The following MUC4 variants were observed in gnomAD, a reference collection of about 807,000 sequenced individuals.
MUC4 encodes the protein mucin-4.
In MUC4, 202 loss-of-function variants were observed where a neutral mutation model predicts 257.9. The observed-to-expected ratio is 0.78, with a 90% CI of 0.70 to 0.88. The LOEUF (loss-of-function observed/expected upper bound fraction) is 0.88, where lower values mean the gene tolerates loss of function less well. MUC4 is among the 40% of genes least tolerant of loss of function. The pLI, the probability that MUC4 is intolerant of heterozygous loss-of-function variation, is 0.00. For missense variants in MUC4, 5,976 were observed against 6,513.7 expected (o/e 0.92, Z 2.84); for synonymous variants, 2,351 against 2,757.1 (o/e 0.85, Z 4.62).
Position 195,762,199 on chromosome 3 carries a change from G to A in MUC4, c.14400C>T (p.Val4800=). The A allele has an allele frequency of 3.1e-6, 5 of 1,600,116 alleles. No homozygotes were observed. Among genetic ancestry groups the A allele is most frequent in the South Asian group, 1.1e-5 (1 of 88,344 alleles). The change falls in exon 14 of 25, where the codon GTC becomes GTT. Residue 4800 remains valine, a synonymous_variant. Coordinates refer to ENST00000463781, the MANE Select transcript of MUC4 (RefSeq NM_018406.7). ...GVLLSRNGSE[V]SASFDGWATV... ...TGGCCCAGCCGTCGAAGCTGGCCGAGACCTCAGAGCCGTTGCGGCTCAGGA... is the reference window on the plus strand; with the variant it reads ...TGGCCCAGCCGTCGAAGCTGGCCGAAACCTCAGAGCCGTTGCGGCTCAGGA...
chr3:195,804,154 G>A (rs1450138348), intron 1 of MUC4, among the ~76,000 whole-genome samples: 2 of 152,200 alleles, frequency 1.3e-5, no homozygotes, highest in African/African-American at 4.8e-5. Context: ...AGGTAGAGAC[G>A]TTCCCCACAT....
rs750549930 is a variant in MUC4 at position 195,781,680 on chromosome 3, G to T, written c.9900C>A (p.Thr3300=). The part of the protein sequence containing the change: ...STGDTTPLLV[T]ETSSVSTGHA... The stretch of plus-strand genomic sequence containing the variant: ...GACCTGTGGATACTGAGGAAGTCTC[G>T]GTGACAAGAAGAGGGGTGGTGTCAC... The change falls in exon 2 of 25, where the codon ACC becomes ACA. Residue 3300 remains threonine (T), a synonymous_variant. Coordinates refer to ENST00000463781, the MANE Select transcript of MUC4 (RefSeq NM_018406.7). 7 of 1,341,722 alleles carry T rather than the reference G, an allele frequency of 5.2e-6. No homozygotes were observed. In the South Asian group the frequency reaches 9.1e-5, roughly 17 times the overall value. The allele number at this position is 1,341,722 out of a possible 1,614,324, so 83.1% of individuals were successfully genotyped here. A position where few individuals can be genotyped will look rare whatever the true frequency, so the allele number is the denominator to read the frequency against.
chr3:195,751,184 TA>T (rs1312219534), intron 22 of MUC4, 22 bp downstream of exon 22: 2 of 1,573,996 alleles, frequency 1.3e-6, no homozygotes, highest in Non-Finnish European at 1.7e-6. Flanking sequence ...TCTGGGGGCT[TA>T]GGGGGACACA....
In MUC4 at chr3:195,747,142, G is replaced by A; in HGVS notation, c.*34C>T. On this transcript the variant is annotated 3_prime_UTR_variant, in exon 25 of 25. Coordinates refer to ENST00000463781, the MANE Select transcript of MUC4 (RefSeq NM_018406.7). Reference sequence around the variant, plus strand: ...CTTAAATGTGCGGTAAGGATGAGGTGAGTCTTGAGGTAGCCTAGGCCACAG... The same window carrying A: ...CTTAAATGTGCGGTAAGGATGAGGTAAGTCTTGAGGTAGCCTAGGCCACAG... The A allele has an allele frequency of 1.2e-6, 2 of 1,612,582 alleles. No homozygotes were observed. Among genetic ancestry groups the A allele is most frequent in the Non-Finnish European group, 1.7e-6 (2 of 1,178,656 alleles).
chr3:195,778,715 T>A (rs1301083091), intron 2 of MUC4, 75 bp downstream of exon 2: 1 of 1,455,642 alleles, frequency 6.9e-7, no homozygotes, highest in East Asian at 2.4e-5. Context: ...GCACCAGTGT[T>A]CTCAGGTACT....
chr3:195,767,907 T>TCACCACCATCACCAC (rs1447659178), intron 7 of MUC4, among the ~76,000 whole-genome samples: 2 of 63,258 alleles, frequency 3.2e-5, no homozygotes, highest in African/African-American at 1.4e-4. Flanking sequence ...ATCACCACCA[T>TCACCACCATCACCAC]CACCATCGCC....
At position 195,788,769 on chromosome 3, in the gene MUC4, G is replaced by T. The variant is rs1302832843; in HGVS notation, c.2811C>A (p.Pro937=). The T allele has an allele frequency of 5.0e-6, 8 of 1,613,804 alleles. No individual in the cohort carries two copies. The highest frequency in any genetic ancestry group is 6.8e-6 in the Non-Finnish European group (8 of 1,179,848). Residue 937 remains proline (P), a synonymous_variant, in exon 2 of 25, where the codon CCC becomes CCA. Coordinates refer to ENST00000463781, the MANE Select transcript of MUC4 (RefSeq NM_018406.7). ...CAGTGGATGTGATCGATGGAGGTGTGGGTGGGACTGTTGAGAAGGTGTCGG... is the reference window on the plus strand; with the variant it reads ...CAGTGGATGTGATCGATGGAGGTGTTGGTGGGACTGTTGAGAAGGTGTCGG... ...QATDTFSTVP[P]TPPSITSTGL... is the part of the protein sequence containing the mutation.
chr3:195,759,048 A>G, intron 17 of MUC4, 76 bp downstream of exon 17: 2 of 1,562,842 alleles, frequency 1.3e-6, no homozygotes, highest in Non-Finnish European at 1.7e-6. Context: ...GTAGCAATGC[A>G]GAATTTCCCA....
rs925990075 is a variant in MUC4 at position 195,762,074 on chromosome 3, G to C, written c.14512+13C>G. 6.3e-7 allele frequency: 1 copy of C among 1,575,808 alleles called. No homozygotes were observed. ...TCCGCGGAGCCTCAGAGGCAGGTCC[G>C]AGCCGCCCTCACCCAGGAGCCCCTC... On this transcript the variant is annotated intron_variant, in intron 14 of 24. Transcript: ENST00000463781.
In MUC4 at chr3:195,757,351, G is replaced by A. The variant is rs767413135; in HGVS notation, c.14987-23C>T. 10 of 1,577,256 alleles carry A rather than the reference G, an allele frequency of 6.3e-6. No homozygotes were observed. Among genetic ancestry groups the A allele is most frequent in the East Asian group, 4.5e-5 (2 of 44,064 alleles). ...TCTCTGCCCCGGGGAAGATGAGAATGTTGAGAGCTGGGAGACTCCTCGGCT... is the reference window on the plus strand; with the variant it reads ...TCTCTGCCCCGGGGAAGATGAGAATATTGAGAGCTGGGAGACTCCTCGGCT... On this transcript the variant is annotated intron_variant, in intron 17 of 24. Coordinates refer to ENST00000463781, the MANE Select transcript of MUC4 (RefSeq NM_018406.7). The surrounding 1 kb of genome is among the most constrained non-coding windows in gnomAD (Gnocchi z 4.8).
At chr3:195,801,812 C>A (rs372040792) in intron 1 of MUC4, among the ~76,000 whole-genome samples, 6 of 151,972 alleles carry the variant, frequency 3.9e-5, no homozygotes, top group South Asian at 2.1e-4. Flanking sequence ...TGTATTGCGC[C>A]CCCCCCTCCA....
chr3:195,774,398 C>A, intron 3 of MUC4, 93 bp from the exon 4 acceptor site: 1 of 1,413,852 alleles, frequency 7.1e-7, no homozygotes, highest in Non-Finnish European at 9.3e-7. Context: ...GCAGGCTGCC[C>A]ACACCTGTCC....
chr3:195,786,739 G>T lies in MUC4; in HGVS notation c.4841C>A (p.Thr1614Asn). ...AGTGTCGGTGACAGGAAGAGGGGTG[G>T]TGTGACCTGTAGATGCTGAGGAAGG... is the stretch of plus-strand genomic sequence containing the variant. Reference protein sequence around the residue: ...TSPSSASTGHTTPLPVTDTSS... With the variant: ...TSPSSASTGHNTPLPVTDTSS... The change falls in exon 2 of 25, where the codon ACC becomes AAC. Residue 1614 changes from threonine to asparagine, a missense_variant. Transcript: ENST00000463781. The T allele has an allele frequency of 6.6e-7, 1 of 1,517,954 alleles. No homozygotes were observed. Among genetic ancestry groups the T allele is most frequent in the South Asian group, 1.2e-5 (1 of 82,078 alleles). 94.0% of individuals were successfully genotyped at this position (1,517,954 alleles called of 1,614,324 possible).
intron 1 of MUC4, among the ~76,000 whole-genome samples, chr3:195,808,436 C>T (rs1736269403): frequency 6.6e-6 from 1 of 152,086 alleles, no homozygotes; most frequent in Admixed American, 6.5e-5. Flanking sequence ...GAACTCCTGA[C>T]CTCAGGTGAT....
intron 4 of MUC4, among the ~76,000 whole-genome samples, chr3:195,772,109 G>C (rs532450670): frequency 6.6e-6 from 1 of 152,282 alleles, no homozygotes; most frequent in African/African-American, 2.4e-5. Flanking sequence ...CTCTTGGCCA[G>C]TCCCCTGGGC....
In MUC4 at chr3:195,789,769, C is replaced by G. The variant is rs779893185; in HGVS notation, c.1811G>C (p.Arg604Thr). 6.2e-7 allele frequency: 1 copy of G among 1,613,970 alleles called. No individual in the cohort carries two copies. The highest frequency in any genetic ancestry group is 8.5e-7 in the Non-Finnish European group (1 of 1,179,870). The change falls in exon 2 of 25, where the codon AGA (arginine) becomes ACA (threonine). Residue 604 changes from arginine (R) to threonine (T), a missense_variant. By Grantham distance (71) the Arg-to-Thr change is moderately conservative. Transcript: ENST00000463781. Reference sequence around the variant, plus strand: ...CGTTGTAATTTGTTGGGATGTGTGTCTATCCAGCATAGGTGAAGAAGATGG... The same window carrying G: ...CGTTGTAATTTGTTGGGATGTGTGTGTATCCAGCATAGGTGAAGAAGATGG... Reference protein sequence around the residue: ...TSPSSSPMLDRHTSQQITTAP... With the variant: ...TSPSSSPMLDTHTSQQITTAP...
intron 7 of MUC4, among the ~76,000 whole-genome samples, chr3:195,767,563 GCCA>G (rs1416736733): frequency 2.0e-4 from 4 of 20,280 alleles, no homozygotes; most frequent in African/African-American, 9.6e-4. Context: ...CATTACCATT[GCCA>G]CCACCATCAC....
chr3:195,746,888 G>T lies in MUC4; in HGVS notation c.*288C>A, dbSNP rs202077155. ...GGCCATCACCACATTATGAACTCGT[G>T]TGTGTGTGTGTGTGTGTGCACGCGC... On this transcript the variant is annotated 3_prime_UTR_variant, in exon 25 of 25. Transcript: ENST00000463781. 1 of 49,090 alleles carries T rather than the reference G, an allele frequency of 2.0e-5. No homozygotes were observed. Among genetic ancestry groups the T allele is most frequent in the African/African-American group, 7.1e-5 (1 of 14,050 alleles). 3.0% of individuals were successfully genotyped at this position (49,090 alleles called of 1,614,324 possible).
At chr3:195,800,987 G>C (rs1735229943) in intron 1 of MUC4, among the ~76,000 whole-genome samples, 2 of 152,092 alleles carry the variant, frequency 1.3e-5, no homozygotes, top group South Asian at 2.1e-4. Context: ...GTGGTCCGTG[G>C]ACCCCACGTT....
Sources: gnomAD v4.1 joint callset for allele counts (sites outside exome capture counted in the v4.1 genomes callset) on GRCh38, gnomAD v4.1.1 for gene constraint, Gnocchi (gnomAD v3.1) non-coding constraint, MANE v1.5 for transcripts, NCBI Gene and HGNC (gene_info 2026-07-23, HGNC 2026-07-21) for gene names.